Variants in UPK1B observed in about 807,000 individuals in gnomAD.
UPK1B encodes uroplakin-1b.
UPK1B carries 28 observed loss-of-function variants against 34.2 expected under a neutral mutation model. The ratio of observed to expected loss-of-function variants is 0.82; its 90% CI spans 0.61 to 1.12. The LOEUF (loss-of-function observed/expected upper bound fraction) is 1.12, where lower values mean the gene tolerates loss of function less well. UPK1B is among the 50% of genes most tolerant of loss of function. The pLI, the probability that UPK1B is intolerant of heterozygous loss-of-function variation, is 0.00. For missense variants in UPK1B, 325 were observed against 320.9 expected (o/e 1.01, Z -0.10); for synonymous variants, 81 against 110.4 (o/e 0.73, Z 1.67).
At chr3:119,196,543 T>C (rs1327941325) in intron 6 of UPK1B, among the ~76,000 whole-genome samples, 2 of 145,430 alleles carry the variant, frequency 1.4e-5, no homozygotes, top group African/African-American at 5.2e-5. Context: ...TTCTTTTTTT[T>C]TTTTTTTTTT....
In UPK1B at chr3:119,201,212, T is replaced by C. The variant is rs544349891; in HGVS notation, c.732+2072T>C. Among the ~76,000 whole-genome samples the C allele has an allele frequency of 2.0e-5, 3 of 152,336 alleles. No individual in the cohort carries two copies. The East Asian group carries it at 5.8e-4, about 29-fold the overall frequency. On this transcript the variant is annotated intron_variant, in intron 7 of 7. Coordinates refer to ENST00000264234, the MANE Select transcript of UPK1B (RefSeq NM_006952.4). ...GTGAAAAAGGCAAATAAATTCTCAT[T>C]GTTATTCAGATAGCCTTACATAATG...
At chr3:119,176,228 T>C (rs1312743375) in intron 1 of UPK1B, 1 of 152,250 alleles carries the variant, frequency 6.6e-6, no homozygotes, top group Non-Finnish European at 1.5e-5. Flanking sequence ...GTTTGAGGTG[T>C]GGTTTGTGTG....
intron 3 of UPK1B, 54 bp from the exon 4 acceptor site, chr3:119,190,191 G>A: frequency 7.4e-7 from 1 of 1,359,868 alleles, no homozygotes; most frequent in Non-Finnish European, 1.0e-6. Flanking sequence ...ATTTGGGCAA[G>A]TCGCTCTTTG....
chr3:119,196,113 CCT>C (rs2078066390), intron 6 of UPK1B, among the ~76,000 whole-genome samples: 1 of 152,156 alleles, frequency 6.6e-6, no homozygotes, highest in Admixed American at 6.5e-5. Context: ...TTCTGAAATT[CCT>C]CTCTCTGTTC....
At chr3:119,195,270 C>T (rs1271560009) in intron 6 of UPK1B, among the ~76,000 whole-genome samples, 1 of 152,226 alleles carries the variant, frequency 6.6e-6, no homozygotes, top group Non-Finnish European at 1.5e-5. Context: ...TAGTCAGCAT[C>T]TGCTGACCCT....
At chr3:119,189,167 C>T (rs550861303) in intron 3 of UPK1B, among the ~76,000 whole-genome samples, 76 of 152,296 alleles carry the variant, frequency 5.0e-4, no homozygotes, top group African/African-American at 1.4e-3. Flanking sequence ...CTTTCTGGAG[C>T]GTCTTTACCA....
In UPK1B at chr3:119,200,687, A is replaced by T. The variant is rs571430656; in HGVS notation, c.732+1547A>T. The stretch of plus-strand genomic sequence containing the variant: ...CAACTACAAGTTTTCCAAGGTTCTG[A>T]TTTTTGCTTGAAAGTTCAAATTTAT... On this transcript the variant is annotated intron_variant, in intron 7 of 7. Coordinates refer to ENST00000264234, the MANE Select transcript of UPK1B (RefSeq NM_006952.4). 2.0e-5 allele frequency among the ~76,000 whole-genome samples: 3 copies of T among 152,272 alleles called. No homozygotes were observed. The South Asian group carries it at 6.2e-4, about 32-fold the overall frequency.
chr3:119,183,228 T>C (rs2077997141), intron 1 of UPK1B, among the ~76,000 whole-genome samples: 2 of 151,984 alleles, frequency 1.3e-5, no homozygotes, highest in African/African-American at 2.4e-5. Context: ...TCTAGCAATG[T>C]GGCCTTGGGC....
At chr3:119,187,069 T>A (rs578122843) in intron 2 of UPK1B, among the ~76,000 whole-genome samples, 3 of 152,224 alleles carry the variant, frequency 2.0e-5, no homozygotes, top group Admixed American at 6.5e-5. Flanking sequence ...CCATAGTCAG[T>A]GTCTAAACAC....
Position 119,181,526 on chromosome 3 carries a change from G to A in UPK1B, c.-28-5188G>A, listed in dbSNP as rs907537227. On this transcript the variant is annotated intron_variant, in intron 1 of 7. Coordinates refer to ENST00000264234, the MANE Select transcript of UPK1B (RefSeq NM_006952.4). The stretch of plus-strand genomic sequence containing the variant: ...CTCATTTGAAGATAAAGCTCGAGAA[G>A]ATTAAGTAACTTCTTGGGGTCACAA... 3.3e-5 allele frequency among the ~76,000 whole-genome samples: 5 copies of A among 152,246 alleles called. 1 individual carries two copies. Among genetic ancestry groups the A allele is most frequent in the East Asian group, 3.9e-4 (2 of 5,176 alleles).
intron 3 of UPK1B, 129 bp from the exon 4 acceptor site, chr3:119,190,116 G>C: frequency 1.5e-6 from 1 of 661,892 alleles, no homozygotes; most frequent in Non-Finnish European, 2.6e-6. Flanking sequence ...GTCAATGAGG[G>C]TTTGTTGAAT....
At chr3:119,174,816 A>G (rs909124732) in intron 1 of UPK1B, among the ~76,000 whole-genome samples, 2 of 151,364 alleles carry the variant, frequency 1.3e-5, no homozygotes, top group Non-Finnish European at 2.9e-5. Flanking sequence ...GAGGAGAAAA[A>G]TTTCTTACTT....
chr3:119,199,874 G>T (rs552035868), intron 7 of UPK1B, among the ~76,000 whole-genome samples: 14 of 151,942 alleles, frequency 9.2e-5, no homozygotes, highest in Admixed American at 5.2e-4. Flanking sequence ...TTCTCTATGT[G>T]GCCTATATCT....
In UPK1B at chr3:119,203,773, G is replaced by T. The variant is rs2107440050; in HGVS notation, c.733-144G>T. On this transcript the variant is annotated intron_variant, in intron 7 of 7. Transcript: ENST00000264234. Reference sequence around the variant, plus strand: ...TGTACATGTATCCTGTTTTTGTTTTGGTTTTTTAGAAGAAATAAAAACAAA... The same window carrying T: ...TGTACATGTATCCTGTTTTTGTTTTTGTTTTTTAGAAGAAATAAAAACAAA... The T allele has an allele frequency of 8.7e-6, 7 of 801,040 alleles. No individual in the cohort carries two copies. The Admixed American group carries it at 9.9e-5, about 11-fold the overall frequency. The allele number at this position is 801,040 out of a possible 1,614,324, so 49.6% of individuals were successfully genotyped here.
intron 1 of UPK1B, among the ~76,000 whole-genome samples, chr3:119,179,623 C>A (rs2107425373): frequency 6.9e-6 from 1 of 145,218 alleles, no homozygotes; most frequent in African/African-American, 2.5e-5. Flanking sequence ...CATTCTCCTG[C>A]CTCAGCCTCC....
intron 1 of UPK1B, among the ~76,000 whole-genome samples, chr3:119,179,805 CTTTTTTTTTTTTTTTTTTTTTTT>C (rs869040325): frequency 2.0e-5 from 1 of 50,556 alleles, no homozygotes; most frequent in Non-Finnish European, 3.8e-5. Context: ...CCACGCCCGG[CTTTTTTTTTTTTTTTTTTTTTTT>C]TTTTTTTTTT....
chr3:119,194,128 T>C (rs972082672), intron 5 of UPK1B, 91 bp from the exon 6 acceptor site: 6 of 1,271,588 alleles, frequency 4.7e-6, no homozygotes, highest in Non-Finnish European at 6.5e-6. Context: ...ACACTTTCCG[T>C]ATCTTCTTTC....
intron 1 of UPK1B, among the ~76,000 whole-genome samples, chr3:119,178,715 T>C (rs2077971007): frequency 6.6e-6 from 1 of 152,196 alleles, no homozygotes; most frequent in Non-Finnish European, 1.5e-5. Context: ...TTTATAGTAA[T>C]TTTTCCTCAA....
At chr3:119,174,972 G>GA (rs897967187) in intron 1 of UPK1B, among the ~76,000 whole-genome samples, 2 of 136,758 alleles carry the variant, frequency 1.5e-5, no homozygotes, top group African/African-American at 2.7e-5. Flanking sequence ...TAATCAAGGG[G>GA]AAAAAAAAGA....
Sources: gnomAD v4.1 joint callset for allele counts (sites outside exome capture counted in the v4.1 genomes callset) on GRCh38, gnomAD v4.1.1 for gene constraint, MANE v1.5 for transcripts, NCBI Gene and HGNC (gene_info 2026-07-23, HGNC 2026-07-21) for gene names.